Variants in DNAH7 observed in about 807,000 individuals in gnomAD.
DNAH7 encodes the protein axonemal beta dynein heavy chain 7.
Under a neutral mutation model 444.6 loss-of-function variants are expected in DNAH7, and 397 were observed. The observed-to-expected ratio is 0.89, with a 90% CI of 0.82 to 0.97. The LOEUF is 0.97. Ranked by LOEUF, DNAH7 falls within the 50% of genes least tolerant of loss-of-function variation. The probability of loss-of-function intolerance (pLI) is 0.00; values close to 1 mark genes in which losing one functional copy is unlikely to be tolerated. For missense variants in DNAH7, 4,902 were observed against 4,800.8 expected, an observed-to-expected ratio of 1.02 and a Z score of -0.62; for synonymous variants, 1,636 against 1,624.4, an observed-to-expected ratio of 1.01 and a Z score of -0.17.
intron 19 of DNAH7, among the ~76,000 whole-genome samples, chr2:195,944,177 T>C (rs1689649647): frequency 7.1e-6 from 1 of 141,008 alleles, no homozygotes; most frequent in East Asian, 1.9e-4. Flanking sequence ...TTCTTTCCTA[T>C]TGTTAAGTCC....
chr2:195,979,894 A>T (rs1416239762), intron 15 of DNAH7, among the ~76,000 whole-genome samples: 1 of 151,926 alleles, frequency 6.6e-6, no homozygotes, highest in Non-Finnish European at 1.5e-5. Flanking sequence ...ACACATACAA[A>T]CTATCAAGAC....
intron 5 of DNAH7, among the ~76,000 whole-genome samples, chr2:196,035,840 G>T (rs1360569042): frequency 6.6e-6 from 1 of 152,084 alleles, no homozygotes; most frequent in African/African-American, 2.4e-5. Flanking sequence ...TTGGCTCTCA[G>T]GATCCCTGAG....
At chr2:195,792,394 T>TACACACAC (rs59046004) in intron 57 of DNAH7, among the ~76,000 whole-genome samples, 1,364 of 117,284 alleles carry the variant, frequency 0.012, 13 homozygotes, top group East Asian at 0.021. Flanking sequence ...AACCAAAAAA[T>TACACACAC]ACACACACAC....
rs749573240 is a variant in DNAH7, at chr2:195,808,781, C to T, written c.9984G>A (p.Trp3328Ter). 6.2e-7 allele frequency: 1 copy of T among 1,613,996 alleles called. No homozygotes were observed. Among genetic ancestry groups the T allele is most frequent in the East Asian group, 2.2e-5 (1 of 44,854 alleles). ...NLCTWLPQKS[W>*]DEICRLDDLP... Reference sequence around the variant, plus strand: ...AATCATCTAATCGACATATTTCATCCCAGGATTTCTGAGGAAGCCATGTAC... The same window carrying T: ...AATCATCTAATCGACATATTTCATCTCAGGATTTCTGAGGAAGCCATGTAC... Residue 3328 changes from tryptophan (W) to a stop codon, truncating the protein, a stop_gained, in exon 53 of 65, where the codon TGG becomes TGA. Transcript: ENST00000312428. LOFTEE classifies it high-confidence loss of function.
intron 27 of DNAH7, chr2:195,903,497 C>A (rs937113365): frequency 1.3e-5 from 2 of 152,062 alleles, no homozygotes; most frequent in Admixed American, 1.3e-4. Context: ...TGGCTTCTAA[C>A]AAACTATTCT....
chr2:195,916,523 T>C (rs1182106651), intron 24 of DNAH7, among the ~76,000 whole-genome samples: 2 of 138,714 alleles, frequency 1.4e-5, no homozygotes, highest in Admixed American at 7.9e-5. Flanking sequence ...AAAATAATAG[T>C]TGGTCATAGT....
chr2:195,999,606 T>C (rs1183635820), intron 12 of DNAH7, among the ~76,000 whole-genome samples: 1 of 151,946 alleles, frequency 6.6e-6, no homozygotes, highest in Non-Finnish European at 1.5e-5. Flanking sequence ...GCATACAGAG[T>C]ATTAAAAATA....
intron 23 of DNAH7, among the ~76,000 whole-genome samples, chr2:195,922,489 G>A (rs1688082794): frequency 1.3e-5 from 2 of 152,162 alleles, no homozygotes; most frequent in African/African-American, 4.8e-5. Context: ...AACAGATGAG[G>A]AAATTGATGC....
intron 19 of DNAH7, among the ~76,000 whole-genome samples, chr2:195,951,662 G>A (rs1374408763): frequency 6.6e-6 from 1 of 152,064 alleles, no homozygotes; most frequent in African/African-American, 2.4e-5. Flanking sequence ...AGCTCTTCTT[G>A]TTGTATTGAT....
chr2:195,781,244 ACT>A (rs1458483904), intron 58 of DNAH7, among the ~76,000 whole-genome samples: 1 of 152,110 alleles, frequency 6.6e-6, no homozygotes, highest in Non-Finnish European at 1.5e-5. Context: ...TAATAAGAAA[ACT>A]CAATGCAAAT....
chr2:195,768,045 G>A (rs530532727), intron 61 of DNAH7, among the ~76,000 whole-genome samples: 1 of 151,482 alleles, frequency 6.6e-6, no homozygotes, highest in South Asian at 2.1e-4. Context: ...ACTGTATTGT[G>A]ATATTGTAAA....
At position 195,884,881 on chromosome 2, in the gene DNAH7, C is replaced by T. The variant is rs999290735; in HGVS notation, c.5539-72G>A. 43 of 1,202,942 alleles carry T rather than the reference C, an allele frequency of 3.6e-5. No homozygotes were observed. The Middle Eastern group carries it at 1.1e-3, about 32-fold the overall frequency. The allele number at this position is 1,202,942 out of a possible 1,614,324, so 74.5% of individuals were successfully genotyped here. The stretch of plus-strand genomic sequence containing the variant: ...TAATCTGTCCTTGAAGCTTACATAT[C>T]AGATCAGCCAGATTAGTATCTCTGA... On this transcript the variant is annotated intron_variant, in intron 34 of 64. Transcript: ENST00000312428.
In DNAH7 at chr2:195,988,060, T is replaced by C. The variant is rs768300477; in HGVS notation, c.1523A>G (p.Asp508Gly). Reference protein sequence around the residue: ...DFLITRKAERDVDNFLAENHS... With the variant: ...DFLITRKAERGVDNFLAENHS... ...ATTTTCTGCGAGGAAGTTATCAACATCTCGCTCAGCTTTTCTGGTAATTAA... is the reference window on the plus strand; with the variant it reads ...ATTTTCTGCGAGGAAGTTATCAACACCTCGCTCAGCTTTTCTGGTAATTAA... Residue 508 changes from aspartate (D) to glycine (G), a missense_variant, in exon 13 of 65, where the codon GAT (aspartate) becomes GGT (glycine). Asp to Gly is a moderately conservative substitution (Grantham distance 94, BLOSUM62 -1). Coordinates refer to ENST00000312428, the MANE Select transcript of DNAH7 (RefSeq NM_018897.3). The C allele has an allele frequency of 6.2e-7, 1 of 1,613,560 alleles. No individual in the cohort carries two copies. The highest frequency in any genetic ancestry group is 1.3e-5 in the African/African-American group (1 of 74,904).
At chr2:195,814,290 T>A (rs1212716726) in intron 51 of DNAH7, among the ~76,000 whole-genome samples, 1 of 152,250 alleles carries the variant, frequency 6.6e-6, no homozygotes, top group Non-Finnish European at 1.5e-5. Flanking sequence ...CATAAGATTT[T>A]AATTGTTTTG....
intron 8 of DNAH7, among the ~76,000 whole-genome samples, chr2:196,022,855 A>G (rs1575044444): frequency 1.3e-5 from 2 of 152,354 alleles, no homozygotes; most frequent in South Asian, 4.1e-4. Context: ...AAATCACTAT[A>G]GTAGATATAG....
intron 49 of DNAH7, among the ~76,000 whole-genome samples, chr2:195,818,358 T>A (rs1697316174): frequency 6.6e-6 from 1 of 152,216 alleles, no homozygotes; most frequent in African/African-American, 2.4e-5. Context: ...TCAGCCACTA[T>A]TGTGAACTAA....
chr2:195,949,504 G>A (rs981610039), intron 19 of DNAH7, among the ~76,000 whole-genome samples: 3 of 152,094 alleles, frequency 2.0e-5, no homozygotes, highest in South Asian at 2.1e-4. Flanking sequence ...GGCCGGTCTC[G>A]AACTCCTGAC....
intron 36 of DNAH7, among the ~76,000 whole-genome samples, chr2:195,878,059 T>C (rs1701159919): frequency 6.6e-6 from 1 of 152,226 alleles, no homozygotes; most frequent in South Asian, 2.1e-4. Flanking sequence ...AGTTATTCTA[T>C]TTATTTAAAG....
intron 10 of DNAH7, among the ~76,000 whole-genome samples, chr2:196,002,684 T>C (rs1301499468): frequency 6.6e-6 from 1 of 152,184 alleles, no homozygotes; most frequent in Admixed American, 6.5e-5. Context: ...GTCTACTACA[T>C]ACTAGGAACA....
Sources: gnomAD v4.1 joint callset for allele counts (sites outside exome capture counted in the v4.1 genomes callset) on GRCh38, gnomAD v4.1.1 for gene constraint, MANE v1.5 for transcripts, NCBI Gene and HGNC (gene_info 2026-07-23, HGNC 2026-07-21) for gene names.